Variants in ZBTB20 observed in about 807,000 individuals in gnomAD.
ZBTB20 encodes the protein zinc finger and BTB domain-containing protein 20.
Under a neutral mutation model 56.9 loss-of-function variants are expected in ZBTB20, and 9 were observed. The ratio of observed to expected loss-of-function variants is 0.16; its 90% CI spans 0.10 to 0.28. The LOEUF is 0.28. Among genes scored for constraint, ZBTB20 ranks in the 10% least tolerant of loss-of-function variants. ZBTB20 has a pLI of 1.00. For missense variants in ZBTB20, 655 were observed against 1,003.0 expected (o/e 0.65, Z 4.69); for synonymous variants, 417 against 420.7 (o/e 0.99, Z 0.11).
chr3:114,572,380 C>CT (rs1276094661), intron 6 of ZBTB20, among the ~76,000 whole-genome samples: 1 of 152,224 alleles, frequency 6.6e-6, no homozygotes, highest in Non-Finnish European at 1.5e-5. Flanking sequence ...TTCATAGAGA[C>CT]TTAAACTCTC....
At chr3:114,626,862 G>T (rs2058682490) in intron 6 of ZBTB20, among the ~76,000 whole-genome samples, 1 of 152,186 alleles carries the variant, frequency 6.6e-6, no homozygotes, top group Non-Finnish European at 1.5e-5. Context: ...CAGCCTAATT[G>T]ATTAATTGTG....
At chr3:114,391,951 T>C (rs541865075) in intron 7 of ZBTB20, among the ~76,000 whole-genome samples, 2 of 152,224 alleles carry the variant, frequency 1.3e-5, no homozygotes, top group African/African-American at 4.8e-5. Context: ...GGTTGGGGTG[T>C]GTAACCTGCA....
At chr3:114,510,431 G>T (rs1577186504) in intron 6 of ZBTB20, among the ~76,000 whole-genome samples, 1 of 151,782 alleles carries the variant, frequency 6.6e-6, no homozygotes, top group Non-Finnish European at 1.5e-5. Context: ...GGTTCCTCCT[G>T]CATGATTTGG....
intron 3 of ZBTB20, among the ~76,000 whole-genome samples, chr3:114,903,278 G>A (rs1169055604): frequency 1.3e-5 from 2 of 152,056 alleles, no homozygotes; most frequent in Admixed American, 1.3e-4. Context: ...CTACGAGGTT[G>A]TCTATGCAGG....
intron 5 of ZBTB20, among the ~76,000 whole-genome samples, chr3:114,786,950 A>G (rs147039416): frequency 6.6e-6 from 1 of 152,094 alleles, no homozygotes; most frequent in African/African-American, 2.4e-5. Context: ...AAAGAAACAA[A>G]TCGTGAAACA....
At chr3:114,988,100 T>G (rs1214910423) in intron 2 of ZBTB20, among the ~76,000 whole-genome samples, 2 of 151,472 alleles carry the variant, frequency 1.3e-5, no homozygotes, top group African/African-American at 4.8e-5. Flanking sequence ...TCTTTTTTTT[T>G]TTTTTTTTAA....
intron 6 of ZBTB20, among the ~76,000 whole-genome samples, chr3:114,528,047 G>A (rs995759495): frequency 6.9e-5 from 10 of 144,410 alleles, no homozygotes; most frequent in African/African-American, 5.2e-5. Flanking sequence ...TTCACTACAT[G>A]GACAATGCCT....
At chr3:114,564,541 C>T (rs1322442889) in intron 6 of ZBTB20, among the ~76,000 whole-genome samples, 2 of 152,194 alleles carry the variant, frequency 1.3e-5, no homozygotes, top group Non-Finnish European at 2.9e-5. Flanking sequence ...AGTTTCTCTT[C>T]TGGCACAAGT....
chr3:114,603,584 T>G (rs1023504946), intron 6 of ZBTB20, among the ~76,000 whole-genome samples: 1 of 151,780 alleles, frequency 6.6e-6, no homozygotes, highest in Non-Finnish European at 1.5e-5. Context: ...CAAACAAACT[T>G]CAGTATGGCC....
rs568378735 is a variant in ZBTB20 at position 114,561,362 on chromosome 3, C to T, written c.-294-60971G>A. Among the ~76,000 whole-genome samples, 32 of 152,248 alleles carry T rather than the reference C, an allele frequency of 2.1e-4. No homozygotes were observed. In the South Asian group the frequency reaches 4.4e-3, roughly 21 times the overall value. On this transcript the variant is annotated intron_variant, in intron 6 of 11. Transcript: ENST00000675478. ...TCCAGAAGGTTTTCAATTTACTTTG[C>T]CTATGTCGATGATAGAAATCACTAT...
At chr3:114,887,569 G>A (rs771595421) in intron 4 of ZBTB20, among the ~76,000 whole-genome samples, 1 of 152,170 alleles carries the variant, frequency 6.6e-6, no homozygotes, top group African/African-American at 2.4e-5. Context: ...TGAAGGCAGA[G>A]TTTGACGTCA....
chr3:114,348,203 G>T (rs1439337436), intron 11 of ZBTB20, among the ~76,000 whole-genome samples: 1 of 152,158 alleles, frequency 6.6e-6, no homozygotes. Context: ...ACAGAGGGGA[G>T]AGCAGATATG....
chr3:114,842,361 A>G (rs1267474137), intron 4 of ZBTB20, among the ~76,000 whole-genome samples: 1 of 152,170 alleles, frequency 6.6e-6, no homozygotes, highest in Non-Finnish European at 1.5e-5. Flanking sequence ...AAAACTCGAG[A>G]GTGGCAGAAC....
rs368690191 is a variant in ZBTB20, at chr3:114,624,358, C to CAAA, written c.-295+69167_-295+69169dup. Among the ~76,000 whole-genome samples, 193 of 123,074 alleles carry CAAA rather than the reference C, an allele frequency of 1.6e-3. 1 individual carries two copies. Among genetic ancestry groups the CAAA allele is most frequent in the Middle Eastern group, 0.012 (3 of 258 alleles). 80.7% of individuals were successfully genotyped at this position (123,074 alleles called of 152,430 possible). On this transcript the variant is annotated intron_variant, in intron 6 of 11. Coordinates refer to ENST00000675478, the MANE Select transcript of ZBTB20 (RefSeq NM_001348800.3). ...TATAAATAAACAACAGTAAGAGAAA[C>CAAA]AAAAAAAAAAAAAACCCATCCCGTC...
intron 5 of ZBTB20, among the ~76,000 whole-genome samples, chr3:114,736,889 C>A (rs1158868377): frequency 1.3e-5 from 2 of 152,048 alleles, no homozygotes; most frequent in Non-Finnish European, 2.9e-5. Flanking sequence ...GATAAGACAG[C>A]AATACTGAAA....
intron 6 of ZBTB20, among the ~76,000 whole-genome samples, chr3:114,553,371 C>T (rs2050806677): frequency 6.6e-6 from 1 of 152,140 alleles, no homozygotes; most frequent in African/African-American, 2.4e-5. Flanking sequence ...TCCATGAACA[C>T]TTAGCCTCTT....
At chr3:115,061,123 T>C (rs1299277396) in intron 2 of ZBTB20, among the ~76,000 whole-genome samples, 1 of 152,126 alleles carries the variant, frequency 6.6e-6, no homozygotes, top group African/African-American at 2.4e-5. Context: ...TAGACAGCAG[T>C]GTGGCTTGAA....
intron 3 of ZBTB20, among the ~76,000 whole-genome samples, chr3:114,946,322 A>T (rs919090891): frequency 1.4e-5 from 2 of 145,726 alleles, no homozygotes; most frequent in Admixed American, 1.3e-4. Context: ...ATCTTCTCTG[A>T]CCGTAATTGA....
intron 6 of ZBTB20, among the ~76,000 whole-genome samples, chr3:114,578,925 T>C (rs1481023522): frequency 2.6e-5 from 4 of 151,932 alleles, no homozygotes; most frequent in African/African-American, 7.2e-5. Flanking sequence ...ATCACCACTT[T>C]TGAATATGGT....
Sources: gnomAD v4.1 joint callset for allele counts (sites outside exome capture counted in the v4.1 genomes callset) on GRCh38, gnomAD v4.1.1 for gene constraint, MANE v1.5 for transcripts, NCBI Gene and HGNC (gene_info 2026-07-23, HGNC 2026-07-21) for gene names.